The following WDR43 variants were observed in gnomAD, a reference collection of about 807,000 sequenced individuals.
WDR43 encodes WD repeat-containing protein 43.
Under a neutral mutation model 91.4 loss-of-function variants are expected in WDR43, and 13 were observed. The ratio of observed to expected loss-of-function variants is 0.14; its 90% CI spans 0.09 to 0.23. The LOEUF is 0.23. Among genes scored for constraint, WDR43 ranks in the 10% least tolerant of loss-of-function variants. The pLI is 1.00. For synonymous variants in WDR43, 331 were observed against 287.9 expected, an observed-to-expected ratio of 1.15 and a Z score of -1.51; for missense variants, 780 against 809.4, an observed-to-expected ratio of 0.96 and a Z score of 0.44.
chr2:28,929,316 A>G (rs898070084), intron 10 of WDR43, among the ~76,000 whole-genome samples: 10 of 152,106 alleles, frequency 6.6e-5, no homozygotes, highest in Non-Finnish European at 1.3e-4. Flanking sequence ...ATTTAGAAGG[A>G]TTTTTATGAA....
At chr2:28,931,973 T>C (rs1022652996) in intron 11 of WDR43, among the ~76,000 whole-genome samples, 5 of 149,010 alleles carry the variant, frequency 3.4e-5, no homozygotes, top group South Asian at 2.2e-4. Flanking sequence ...ACTCCTGGGC[T>C]CAAGTGATCC....
intron 4 of WDR43, chr2:28,913,612 T>C (rs374510585): frequency 1.9e-6 from 1 of 517,066 alleles, no homozygotes; most frequent in Non-Finnish European, 3.9e-6. Flanking sequence ...AGATTTAGTA[T>C]TATATTTTTG....
At chr2:28,912,311 T>A (rs924350600) in intron 3 of WDR43, among the ~76,000 whole-genome samples, 2 of 152,162 alleles carry the variant, frequency 1.3e-5, no homozygotes, top group Admixed American at 1.3e-4. Flanking sequence ...TACATTCTTA[T>A]CACTCTCACT....
chr2:28,924,479 G>T (rs887040950), intron 7 of WDR43, among the ~76,000 whole-genome samples: 1 of 152,148 alleles, frequency 6.6e-6, no homozygotes, highest in Non-Finnish European at 1.5e-5. Flanking sequence ...CAAATGGTAT[G>T]GGAGAGAAAA....
chr2:28,929,824 A>C (rs1340116666), intron 11 of WDR43, 114 bp downstream of exon 11: 1 of 1,147,904 alleles, frequency 8.7e-7, no homozygotes, highest in African/African-American at 1.6e-5. Flanking sequence ...TTTGGAATGT[A>C]ATGTTTTATG....
chr2:28,923,795 G>C (rs1671080257), intron 7 of WDR43, among the ~76,000 whole-genome samples: 1 of 152,032 alleles, frequency 6.6e-6, no homozygotes, highest in African/African-American at 2.4e-5. Flanking sequence ...TGTGTACCTG[G>C]AATGTATAAT....
intron 5 of WDR43, 86 bp from the exon 6 acceptor site, chr2:28,917,807 G>C: frequency 1.7e-6 from 2 of 1,158,494 alleles, no homozygotes; most frequent in Non-Finnish European, 2.5e-6. Flanking sequence ...CTCATGTGCT[G>C]ATCTCCATGC....
intron 15 of WDR43, 116 bp from the exon 16 acceptor site, chr2:28,942,196 A>G: frequency 1.1e-6 from 1 of 911,758 alleles, no homozygotes; most frequent in Non-Finnish European, 1.7e-6. Context: ...GTCCTCCATT[A>G]TGGTGGTGGA....
Position 28,894,795 on chromosome 2 carries a change from T to A in WDR43, c.97T>A (p.Ser33Thr), listed in dbSNP as rs1301395019. The change falls in exon 1 of 18, where the codon TCT becomes ACT. Residue 33 changes from serine to threonine, a missense_variant. Coordinates refer to ENST00000407426, the MANE Select transcript of WDR43 (RefSeq NM_015131.3). ...CAGCCAGGCCTACTTCGCTTTGGCC[T>A]CTACCGACGGTCACTTACGAGTATG... The part of the protein sequence containing the change: ...PHSQAYFALA[S>T]TDGHLRVWET... 1.2e-6 allele frequency: 2 copies of A among 1,609,960 alleles called. No individual in the cohort carries two copies. The highest frequency in any genetic ancestry group is 4.5e-5 in the East Asian group (2 of 44,790).
intron 13 of WDR43, 48 bp from the exon 14 acceptor site, chr2:28,937,883 T>C: frequency 6.3e-7 from 1 of 1,593,180 alleles, no homozygotes; most frequent in Non-Finnish European, 8.6e-7. Flanking sequence ...TCAGTTGAAT[T>C]TACTTTTGAA....
intron 15 of WDR43, 81 bp from the exon 16 acceptor site, chr2:28,942,231 G>C: frequency 7.2e-7 from 1 of 1,379,766 alleles, no homozygotes; most frequent in Non-Finnish European, 1.0e-6. Flanking sequence ...CAAGCAGTGG[G>C]GAAGGTTGGG....
In WDR43 at chr2:28,928,121, G is replaced by A. The variant is rs141502254; in HGVS notation, c.1305+421G>A. ...TGATAGTCATTATAACTGCCTAAGT[G>A]TTTATGATCTTCATTTTTTCCTCAG... On this transcript the variant is annotated intron_variant, in intron 10 of 17. Transcript: ENST00000407426. The A allele has an allele frequency of 1.2e-3, 195 of 158,782 alleles. 1 individual carries two copies. Among genetic ancestry groups the A allele is most frequent in the African/African-American group, 4.3e-3 (181 of 41,660 alleles). The allele number at this position is 158,782 out of a possible 1,614,324, so 9.8% of individuals were successfully genotyped here. A position where few individuals can be genotyped will look rare whatever the true frequency, so the allele number is the denominator to read the frequency against.
At chr2:28,932,258 G>A (rs1309799694) in intron 11 of WDR43, among the ~76,000 whole-genome samples, 12 of 151,992 alleles carry the variant, frequency 7.9e-5, no homozygotes, top group East Asian at 1.9e-4. Flanking sequence ...CTGCCTCCCA[G>A]GTTCAAGCGA....
chr2:28,916,476 A>G (rs990681356), intron 5 of WDR43, among the ~76,000 whole-genome samples: 1 of 152,132 alleles, frequency 6.6e-6, no homozygotes, highest in South Asian at 2.1e-4. Context: ...TTGTGTTGTT[A>G]AATTGGCTTT....
chr2:28,902,228 G>A (rs757590727), intron 2 of WDR43, 104 bp downstream of exon 2: 3 of 1,209,804 alleles, frequency 2.5e-6, no homozygotes, highest in Non-Finnish European at 3.3e-6. Context: ...GATCTGTGCA[G>A]TAGGGACAGT....
chr2:28,933,378 TCAATGCAAAATAGAC>T (rs757907517), intron 11 of WDR43, among the ~76,000 whole-genome samples: 1 of 152,038 alleles, frequency 6.6e-6, no homozygotes, highest in Non-Finnish European at 1.5e-5. Context: ...TACACAAAAA[TCAATGCAAAATAGAC>T]CATAGACTTG....
intron 11 of WDR43, among the ~76,000 whole-genome samples, chr2:28,934,763 G>A (rs531792441): frequency 2.1e-4 from 32 of 152,166 alleles, no homozygotes; most frequent in African/African-American, 7.7e-4. Flanking sequence ...CTCTATTTTT[G>A]CCTTTTGGTG....
intron 10 of WDR43, 45 bp downstream of exon 10, chr2:28,927,745 A>G: frequency 6.2e-7 from 1 of 1,607,426 alleles, no homozygotes; most frequent in East Asian, 2.2e-5. Flanking sequence ...GTGATTTAAA[A>G]TTACTGGGAA....
At chr2:28,923,936 A>G (rs1321420976) in intron 7 of WDR43, among the ~76,000 whole-genome samples, 1 of 152,164 alleles carries the variant, frequency 6.6e-6, no homozygotes, top group Non-Finnish European at 1.5e-5. Flanking sequence ...ACAGTCGTTC[A>G]TTGAGAATAG....
Sources: allele counts gnomAD v4.1 joint callset (sites outside exome capture counted in the v4.1 genomes callset), GRCh38; gene constraint gnomAD v4.1.1; transcripts MANE v1.5; gene names NCBI Gene and HGNC (gene_info 2026-07-23, HGNC 2026-07-21).